KCTD8: variants seen among roughly 807,000 people sequenced by gnomAD.
KCTD8 encodes potassium channel tetramerization domain containing 8, also known as BTB/POZ domain-containing protein KCTD8.
A neutral mutation model predicts 31.5 loss-of-function variants in KCTD8; 27 were observed. That is an observed-to-expected ratio of 0.86 (90% confidence interval 0.63 to 1.18). The LOEUF is 1.18. KCTD8 is among the 50% of genes most tolerant of loss of function. The probability of loss-of-function intolerance (pLI) is 0.00; values close to 1 mark genes in which losing one functional copy is unlikely to be tolerated. For synonymous variants in KCTD8, 290 were observed against 280.0 expected, an observed-to-expected ratio of 1.04 and a Z score of -0.36; for missense variants, 658 against 647.7, an observed-to-expected ratio of 1.02 and a Z score of -0.17.
chr4:44,406,040 G>A (rs1465378899), intron 1 of KCTD8, among the ~76,000 whole-genome samples: 3 of 152,056 alleles, frequency 2.0e-5, no homozygotes, highest in Non-Finnish European at 4.4e-5. Flanking sequence ...ATAGAAAAAT[G>A]TAAAATGTCC....
intron 1 of KCTD8, among the ~76,000 whole-genome samples, chr4:44,347,658 C>T (rs112109124): frequency 0.042 from 6,344 of 152,136 alleles, 186 homozygotes; most frequent in Non-Finnish European, 0.06. Context: ...TATATGACCT[C>T]AATATAACTA....
intron 1 of KCTD8, among the ~76,000 whole-genome samples, chr4:44,280,832 G>A (rs1283605739): frequency 2.6e-5 from 4 of 152,030 alleles, no homozygotes; most frequent in Middle Eastern, 3.2e-3. Context: ...TGCTTTATGT[G>A]TATCACTTCA....
intron 1 of KCTD8, among the ~76,000 whole-genome samples, chr4:44,178,761 C>G (rs889030968): frequency 6.6e-5 from 10 of 152,086 alleles, no homozygotes; most frequent in African/African-American, 2.4e-4. Context: ...ATGCCTTATT[C>G]TATTTGTTTC....
chr4:44,237,297 G>A (rs556621333), intron 1 of KCTD8, among the ~76,000 whole-genome samples: 5 of 152,168 alleles, frequency 3.3e-5, no homozygotes, highest in Admixed American at 6.5e-5. Context: ...TGACTGGTGA[G>A]TGATTCTGGA....
chr4:44,288,693 T>C (rs1450253662), intron 1 of KCTD8, among the ~76,000 whole-genome samples: 1 of 152,068 alleles, frequency 6.6e-6, no homozygotes, highest in African/African-American at 2.4e-5. Context: ...TTACATCTGT[T>C]CTTCTATCTC....
At chr4:44,345,300 A>G (rs1719009658) in intron 1 of KCTD8, among the ~76,000 whole-genome samples, 1 of 152,184 alleles carries the variant, frequency 6.6e-6, no homozygotes. Flanking sequence ...AAGAATGAAT[A>G]TCATAGATAT....
At chr4:44,348,864 A>G (rs1311410423) in intron 1 of KCTD8, among the ~76,000 whole-genome samples, 1 of 142,228 alleles carries the variant, frequency 7.0e-6, no homozygotes, top group Non-Finnish European at 1.6e-5. Context: ...GCTTATTGAA[A>G]CTCTCCCCTG....
intron 1 of KCTD8, among the ~76,000 whole-genome samples, chr4:44,354,968 T>C (rs951244278): frequency 5.3e-5 from 8 of 152,128 alleles, no homozygotes; most frequent in Non-Finnish European, 1.0e-4. Flanking sequence ...AGAAAATGAA[T>C]AAATGCACAA....
At chr4:44,280,262 A>G (rs921337573) in intron 1 of KCTD8, among the ~76,000 whole-genome samples, 8 of 152,084 alleles carry the variant, frequency 5.3e-5, no homozygotes, top group African/African-American at 1.9e-4. Context: ...CAAATGATAA[A>G]AATAAAAGCC....
rs181321003 is a variant in KCTD8 at position 44,420,861 on chromosome 4, C to A, written c.961+26702G>T. On this transcript the variant is annotated intron_variant, in intron 1 of 1. Coordinates refer to ENST00000360029, the MANE Select transcript of KCTD8 (RefSeq NM_198353.3). ...TATCAGAAGAGCTAAATAAAAGAGT[C>A]AGAAAATAAAGACTCGAACGAAGTT... is the stretch of plus-strand genomic sequence containing the variant. Among the ~76,000 whole-genome samples, 7 of 151,734 alleles carry A rather than the reference C, an allele frequency of 4.6e-5. No homozygotes were observed. In the East Asian group the frequency reaches 1.4e-3, roughly 29 times the overall value.
rs1287878610 is a variant in KCTD8, at chr4:44,268,843, G to A, written c.962-93593C>T. ...GAATCCAACTTACAAGGGATGTGAAGGACCTCTTCAAGGAGAACTACAAAC... is the reference window on the plus strand; with the variant it reads ...GAATCCAACTTACAAGGGATGTGAAAGACCTCTTCAAGGAGAACTACAAAC... On this transcript the variant is annotated intron_variant, in intron 1 of 1. Transcript: ENST00000360029. 4.7e-5 allele frequency among the ~76,000 whole-genome samples: 7 copies of A among 150,468 alleles called. No homozygotes were observed. In the South Asian group the frequency reaches 1.5e-3, roughly 32 times the overall value.
At chr4:44,318,580 T>A (rs548867041) in intron 1 of KCTD8, among the ~76,000 whole-genome samples, 1 of 152,182 alleles carries the variant, frequency 6.6e-6, no homozygotes, top group East Asian at 1.9e-4. Context: ...GCTCTAGATA[T>A]AGAAACAAGG....
intron 1 of KCTD8, among the ~76,000 whole-genome samples, chr4:44,314,925 C>G (rs1490996593): frequency 2.0e-5 from 3 of 150,478 alleles, no homozygotes; most frequent in Admixed American, 6.6e-5. Flanking sequence ...TCCTCCTCTA[C>G]CTCAGAGTCA....
At chr4:44,369,580 T>C (rs1470658692) in intron 1 of KCTD8, among the ~76,000 whole-genome samples, 1 of 152,064 alleles carries the variant, frequency 6.6e-6, no homozygotes, top group Non-Finnish European at 1.5e-5. Flanking sequence ...CCAAGGTGGG[T>C]GGATCACTTG....
chr4:44,447,445 TAA>T (rs1239984674), intron 1 of KCTD8, 116 bp downstream of exon 1: 2 of 1,411,274 alleles, frequency 1.4e-6, no homozygotes, highest in Non-Finnish European at 1.8e-6. Flanking sequence ...CCGCTCTCTA[TAA>T]GGAGTTAACC....
chr4:44,362,558 G>A (rs1442357308), intron 1 of KCTD8, among the ~76,000 whole-genome samples: 1 of 152,050 alleles, frequency 6.6e-6, no homozygotes, highest in African/African-American at 2.4e-5. Flanking sequence ...GCAAAACAGT[G>A]AAGGAAATGA....
Position 44,264,472 on chromosome 4 carries a change from G to T in KCTD8, c.962-89222C>A, listed in dbSNP as rs140857751. ...CAGAAGGCAACCTAAGAAGACAGGA[G>T]ATTTCTTCATTTCCATCTGAGGTAA... On this transcript the variant is annotated intron_variant, in intron 1 of 1. Coordinates refer to ENST00000360029, the MANE Select transcript of KCTD8 (RefSeq NM_198353.3). Among the ~76,000 whole-genome samples, 258 of 152,326 alleles carry T rather than the reference G, an allele frequency of 1.7e-3. 1 individual carries two copies. The highest frequency in any genetic ancestry group is 5.8e-3 in the African/African-American group (241 of 41,582).
At chr4:44,356,416 T>C (rs543415581) in intron 1 of KCTD8, among the ~76,000 whole-genome samples, 5 of 152,320 alleles carry the variant, frequency 3.3e-5, no homozygotes, top group Admixed American at 2.6e-4. Context: ...ATCCCATAGA[T>C]AGATCTGTTA....
At chr4:44,196,052 G>A (rs895646227) in intron 1 of KCTD8, among the ~76,000 whole-genome samples, 10 of 152,340 alleles carry the variant, frequency 6.6e-5, no homozygotes, top group Admixed American at 2.6e-4. Flanking sequence ...GGGAAAGTAA[G>A]GGTGGGGGCA....
Sources: allele counts gnomAD v4.1 joint callset (sites outside exome capture counted in the v4.1 genomes callset), GRCh38; gene constraint gnomAD v4.1.1; transcripts MANE v1.5; gene names NCBI Gene and HGNC (gene_info 2026-07-23, HGNC 2026-07-21).